The following CADPS variants were observed in gnomAD, a reference collection of about 807,000 sequenced individuals.
CADPS encodes the protein calcium dependent secretion activator.
CADPS carries 57 observed loss-of-function variants against 167.3 expected under a neutral mutation model. The observed-to-expected ratio is 0.34, with a 90% CI of 0.28 to 0.42. The LOEUF (loss-of-function observed/expected upper bound fraction) is 0.42, where lower values mean the gene tolerates loss of function less well. Ranked by LOEUF, CADPS falls within the 20% of genes least tolerant of loss-of-function variation. The pLI, the probability that CADPS is intolerant of heterozygous loss-of-function variation, is 1.00. For synonymous variants in CADPS, 676 were observed against 635.3 expected (o/e 1.06, Z -0.96); for missense variants, 1,414 against 1,738.1 (o/e 0.81, Z 3.32).
At chr3:62,682,498 A>T (rs764908293) in intron 3 of CADPS, among the ~76,000 whole-genome samples, 3 of 152,176 alleles carry the variant, frequency 2.0e-5, no homozygotes, top group Non-Finnish European at 4.4e-5. Flanking sequence ...TGAAATCGCT[A>T]GTGTTCAGTG....
chr3:62,817,988 G>A (rs1193533155), intron 1 of CADPS, among the ~76,000 whole-genome samples: 1 of 152,128 alleles, frequency 6.6e-6, no homozygotes, highest in African/African-American at 2.4e-5. Context: ...ATACCTGTGT[G>A]GAGCCCACAT....
chr3:62,405,144 G>C (rs944517949), intron 28 of CADPS, among the ~76,000 whole-genome samples: 1 of 150,332 alleles, frequency 6.7e-6, no homozygotes, highest in African/African-American at 2.5e-5. Context: ...TCTGGGGGGG[G>C]GGGGGGCTCA....
intron 6 of CADPS, among the ~76,000 whole-genome samples, chr3:62,645,024 C>T (rs952251751): frequency 6.6e-6 from 1 of 152,074 alleles, no homozygotes; most frequent in African/African-American, 2.4e-5. Context: ...TTGTATTGAC[C>T]CAATGAATTA....
At chr3:62,722,915 A>C (rs1188136345) in intron 3 of CADPS, among the ~76,000 whole-genome samples, 1 of 151,382 alleles carries the variant, frequency 6.6e-6, no homozygotes, top group Non-Finnish European at 1.5e-5. Context: ...CAGTAGAAAA[A>C]CCCCCTTACC....
intron 1 of CADPS, among the ~76,000 whole-genome samples, chr3:62,773,032 C>G (rs926920955): frequency 2.6e-5 from 4 of 151,702 alleles, no homozygotes; most frequent in African/African-American, 9.7e-5. Context: ...GTTTTTAAAG[C>G]TTTTCTTTAT....
rs2056870846 is a variant in CADPS at position 62,444,396 on chromosome 3, G to A, written c.3669+1369C>T. On this transcript the variant is annotated intron_variant, in intron 27 of 29. Transcript: ENST00000383710. ...GTGCTGGATGTTCTATGTATGTTGT[G>A]TCATTTAATTTGCACAGCAAACCCA... is the stretch of plus-strand genomic sequence containing the variant. 2.6e-5 allele frequency among the ~76,000 whole-genome samples: 4 copies of A among 152,270 alleles called. No homozygotes were observed. In the South Asian group the frequency reaches 8.3e-4, roughly 32 times the overall value.
intron 1 of CADPS, among the ~76,000 whole-genome samples, chr3:62,807,207 G>A (rs1463952868): frequency 6.6e-6 from 1 of 151,562 alleles, no homozygotes; most frequent in Non-Finnish European, 1.5e-5. Flanking sequence ...CTTCATCAAG[G>A]CAGTTGTTTC....
rs554197608 is a variant in CADPS at position 62,855,091 on chromosome 3, ATTTT to A, written c.441+19494_441+19497del. On this transcript the variant is annotated intron_variant, in intron 1 of 29. Transcript: ENST00000383710. Reference sequence around the variant, plus strand: ...AGGCACGTGCCATCATGCCCGGCTAATTTTTTTTTTTTTTTTTTGTCTTTTAGTA... The same window carrying A: ...AGGCACGTGCCATCATGCCCGGCTAATTTTTTTTTTTTTTGTCTTTTAGTA... 3.9e-3 allele frequency among the ~76,000 whole-genome samples: 366 copies of A among 92,710 alleles called. 5 individuals are homozygous for A. Among genetic ancestry groups the A allele is most frequent in the African/African-American group, 0.012 (348 of 28,532 alleles). The allele number at this position is 92,710 out of a possible 152,430, so 60.8% of individuals were successfully genotyped here.
chr3:62,774,088 A>G (rs1440486804), intron 1 of CADPS, among the ~76,000 whole-genome samples: 1 of 152,126 alleles, frequency 6.6e-6, no homozygotes, highest in Non-Finnish European at 1.5e-5. Context: ...GCAGAAGAGG[A>G]AAAAAATAGG....
chr3:62,647,714 G>A (rs2068909483), intron 5 of CADPS, among the ~76,000 whole-genome samples: 1 of 152,186 alleles, frequency 6.6e-6, no homozygotes, highest in Admixed American at 6.5e-5. Context: ...AAGGCACAGT[G>A]AAAGAGCACA....
At chr3:62,621,210 G>A (rs2063114572) in intron 6 of CADPS, among the ~76,000 whole-genome samples, 2 of 152,164 alleles carry the variant, frequency 1.3e-5, no homozygotes, top group African/African-American at 4.8e-5. Context: ...TGGAAACTTG[G>A]TGCCATTCCC....
chr3:62,610,367 C>T (rs1045582872), intron 6 of CADPS, among the ~76,000 whole-genome samples: 1 of 152,118 alleles, frequency 6.6e-6, no homozygotes, highest in Non-Finnish European at 1.5e-5. Context: ...TCTCCTGCCT[C>T]AGCCTTCCCA....
chr3:62,430,238 T>C (rs953967518), intron 28 of CADPS, among the ~76,000 whole-genome samples: 15 of 152,208 alleles, frequency 9.9e-5, no homozygotes, highest in African/African-American at 2.9e-4. Flanking sequence ...CCATGTGGAA[T>C]GGAAATGTGT....
intron 26 of CADPS, among the ~76,000 whole-genome samples, chr3:62,457,990 T>C (rs1011326357): frequency 1.3e-5 from 2 of 152,090 alleles, no homozygotes; most frequent in African/African-American, 2.4e-5. Context: ...AGATGACGGG[T>C]TGATGGGTGC....
At chr3:62,594,403 C>A (rs985321460) in intron 6 of CADPS, among the ~76,000 whole-genome samples, 1 of 151,934 alleles carries the variant, frequency 6.6e-6, no homozygotes, top group African/African-American at 2.4e-5. Context: ...CCTCGTGATC[C>A]GCCCGCCTCG....
intron 27 of CADPS, among the ~76,000 whole-genome samples, chr3:62,442,408 G>A (rs1044377842): frequency 5.9e-5 from 9 of 152,082 alleles, no homozygotes; most frequent in South Asian, 4.2e-4. Flanking sequence ...TAGTAGAGGC[G>A]GAGTTTCACT....
intron 3 of CADPS, among the ~76,000 whole-genome samples, chr3:62,702,292 T>C (rs1425299147): frequency 1.3e-5 from 2 of 152,184 alleles, no homozygotes; most frequent in Non-Finnish European, 2.9e-5. Context: ...ATGCTTATTA[T>C]AAGCCAAAGA....
chr3:62,419,402 C>G (rs565664307), intron 28 of CADPS, among the ~76,000 whole-genome samples: 28 of 152,250 alleles, frequency 1.8e-4, no homozygotes, highest in African/African-American at 6.5e-4. Context: ...ATGCCTTTAG[C>G]CTCCATCCTC....
intron 27 of CADPS, chr3:62,441,185 A>G (rs1248129493): frequency 2.0e-5 from 3 of 152,234 alleles, no homozygotes; most frequent in Non-Finnish European, 2.9e-5. Context: ...AAACTTTTAG[A>G]TGTTTTTTAA....
Sources: allele counts gnomAD v4.1 joint callset (sites outside exome capture counted in the v4.1 genomes callset), GRCh38; gene constraint gnomAD v4.1.1; transcripts MANE v1.5; gene names NCBI Gene and HGNC (gene_info 2026-07-23, HGNC 2026-07-21).